SVEP1: variants seen among roughly 807,000 people sequenced by gnomAD.
SVEP1 encodes the protein sushi, von Willebrand factor type A, EGF and pentraxin domain-containing protein 1.
A neutral mutation model predicts 367.3 loss-of-function variants in SVEP1; 164 were observed. The ratio of observed to expected loss-of-function variants is 0.45; its 90% CI spans 0.39 to 0.51. SVEP1 has a LOEUF of 0.51. Ranked by LOEUF, SVEP1 falls within the 20% of genes least tolerant of loss-of-function variation. The pLI, the probability that SVEP1 is intolerant of heterozygous loss-of-function variation, is 0.00. For missense variants in SVEP1, 4,117 were observed against 4,425.3 expected (o/e 0.93, Z 1.98); for synonymous variants, 1,666 against 1,611.6 (o/e 1.03, Z -0.81).
intron 5 of SVEP1, among the ~76,000 whole-genome samples, chr9:110,504,015 TTATTTTTTTA>T (rs1829582040): frequency 1.8e-5 from 2 of 112,430 alleles, no homozygotes. Context: ...GGAAAGCTTT[TTATTTTTTTA>T]TTTTATTTTA....
At chr9:110,576,610 C>T (rs1468154891) in intron 1 of SVEP1, among the ~76,000 whole-genome samples, 1 of 151,824 alleles carries the variant, frequency 6.6e-6, no homozygotes, top group African/African-American at 2.4e-5. Flanking sequence ...AAAGAGACTT[C>T]AACAAGAATC....
Position 110,429,340 on chromosome 9 carries a change from G to C in SVEP1, c.5616-6C>G, listed in dbSNP as rs1438166089. 1 of 1,503,668 alleles carries C rather than the reference G, an allele frequency of 6.7e-7. No homozygotes were observed. Among genetic ancestry groups the C allele is most frequent in the Non-Finnish European group, 8.9e-7 (1 of 1,128,534 alleles). 93.1% of individuals were successfully genotyped at this position (1,503,668 alleles called of 1,614,324 possible). A position where few individuals can be genotyped will look rare whatever the true frequency, so the allele number is the denominator to read the frequency against. On this transcript the variant is annotated splice_polypyrimidine_tract_variant and splice_region_variant and intron_variant, in intron 34 of 47. Transcript: ENST00000374469. The stretch of plus-strand genomic sequence containing the variant: ...GAGTATATCCTTTATTACACCTAAA[G>C]AAGATAGAGGAAAATTACAGGATAT...
chr9:110,406,016 T>TAA, intron 38 of SVEP1, 144 bp downstream of exon 38: 1 of 1,009,008 alleles, frequency 9.9e-7, no homozygotes, highest in Non-Finnish European at 1.3e-6. Context: ...GTAGGTAGAA[T>TAA]AAAGCCAAGT....
At chr9:110,368,560 C>T (rs1030142530) in intron 47 of SVEP1, among the ~76,000 whole-genome samples, 3 of 152,200 alleles carry the variant, frequency 2.0e-5, no homozygotes, top group African/African-American at 7.2e-5. Flanking sequence ...CTCCTATCGA[C>T]AGTTTTTAAA....
intron 3 of SVEP1, among the ~76,000 whole-genome samples, chr9:110,545,663 A>G (rs778550452): frequency 6.6e-6 from 1 of 152,142 alleles, no homozygotes; most frequent in Non-Finnish European, 1.5e-5. Flanking sequence ...ACATGCCTAG[A>G]GGACAGATTT....
At chr9:110,492,729 G>C (rs973486740) in intron 8 of SVEP1, among the ~76,000 whole-genome samples, 5 of 152,034 alleles carry the variant, frequency 3.3e-5, no homozygotes, top group African/African-American at 1.2e-4. Flanking sequence ...CAAGTGGCAG[G>C]GCTTCAGACA....
intron 43 of SVEP1, among the ~76,000 whole-genome samples, chr9:110,383,412 C>T (rs1564124704): frequency 1.3e-5 from 2 of 152,198 alleles, no homozygotes; most frequent in Non-Finnish European, 2.9e-5. Context: ...CCAGCGGACG[C>T]TGCAGAACAG....
intron 21 of SVEP1, among the ~76,000 whole-genome samples, chr9:110,456,258 C>T (rs761189373): frequency 1.3e-5 from 2 of 152,188 alleles, no homozygotes; most frequent in Non-Finnish European, 2.9e-5. Flanking sequence ...ACTCCAGACC[C>T]ACTGAATTAG....
intron 40 of SVEP1, 27 bp from the exon 41 acceptor site, chr9:110,389,614 A>G (rs1368646775): frequency 6.2e-7 from 1 of 1,612,244 alleles, no homozygotes; most frequent in Non-Finnish European, 8.5e-7. Context: ...AAAGGTCATC[A>G]AGATCATAAC....
chr9:110,469,190 G>T, intron 16 of SVEP1, 89 bp from the exon 17 acceptor site: 1 of 1,360,248 alleles, frequency 7.4e-7, no homozygotes, highest in Non-Finnish European at 9.9e-7. Context: ...AAGTAATAAA[G>T]CATGCTTGAA....
chr9:110,459,626 G>C (rs1828827442), intron 18 of SVEP1, among the ~76,000 whole-genome samples: 1 of 152,042 alleles, frequency 6.6e-6, no homozygotes, highest in Admixed American at 6.6e-5. Flanking sequence ...AATTGGATTT[G>C]AGTAGTTGAA....
intron 3 of SVEP1, among the ~76,000 whole-genome samples, chr9:110,523,546 C>T (rs1380604890): frequency 6.6e-6 from 1 of 152,068 alleles, no homozygotes; most frequent in Non-Finnish European, 1.5e-5. Flanking sequence ...TCTAACTATA[C>T]CAATTAAGTG....
intron 8 of SVEP1, among the ~76,000 whole-genome samples, 181 bp downstream of exon 8, chr9:110,496,633 GT>G (rs1829450713): frequency 6.6e-6 from 1 of 152,140 alleles, no homozygotes; most frequent in Admixed American, 6.5e-5. Context: ...CCTTGTGATG[GT>G]GTGAGTCAAT....
At chr9:110,379,241 C>A in intron 44 of SVEP1, 106 bp downstream of exon 44, 1 of 1,268,872 alleles carries the variant, frequency 7.9e-7, no homozygotes. Context: ...ATTTTAAAGC[C>A]AAGGAAAAAT....
In SVEP1 at chr9:110,546,236, A is replaced by G. The variant is rs968963763; in HGVS notation, c.843T>C (p.Cys281=). ...QDDMVHCSYL[C]DEGKDCCDRM... ...GGTCACAGCAGTCCTTGCCTTCATC[A>G]CAAAGATATGAGCAGTGGACCATAT... is the stretch of plus-strand genomic sequence containing the variant. The change falls in exon 3 of 48, where the codon TGT becomes TGC. Residue 281 remains cysteine, a synonymous_variant. Coordinates refer to ENST00000374469, the MANE Select transcript of SVEP1 (RefSeq NM_153366.4). The G allele has an allele frequency of 1.3e-6, 2 of 1,591,266 alleles. No homozygotes were observed. The highest frequency in any genetic ancestry group is 2.7e-5 in the African/African-American group (2 of 74,670).
intron 3 of SVEP1, among the ~76,000 whole-genome samples, chr9:110,529,984 C>T (rs1002464332): frequency 2.0e-4 from 30 of 149,246 alleles, no homozygotes; most frequent in African/African-American, 6.7e-4. Context: ...AGTATGTTGG[C>T]TGTAGGTTTA....
At chr9:110,524,718 T>TATTATTATTAC (rs35477110) in intron 3 of SVEP1, among the ~76,000 whole-genome samples, 131 of 143,836 alleles carry the variant, frequency 9.1e-4, no homozygotes, top group African/African-American at 1.5e-3. Flanking sequence ...TTATTATTAC[T>TATTATTATTAC]TTTTTTTTTT....
At chr9:110,390,832 A>T (rs1254270664) in intron 40 of SVEP1, among the ~76,000 whole-genome samples, 1 of 152,096 alleles carries the variant, frequency 6.6e-6, no homozygotes, top group Non-Finnish European at 1.5e-5. Context: ...GAAAAATTCA[A>T]ACATATGAGA....
intron 9 of SVEP1, among the ~76,000 whole-genome samples, chr9:110,486,033 C>T (rs529939806): frequency 1.3e-5 from 2 of 152,236 alleles, no homozygotes; most frequent in South Asian, 2.1e-4. Context: ...ACTCTGTAGA[C>T]CAGTGATGCA....
Sources: allele counts gnomAD v4.1 joint callset (sites outside exome capture counted in the v4.1 genomes callset), GRCh38; gene constraint gnomAD v4.1.1; transcripts MANE v1.5; gene names NCBI Gene and HGNC (gene_info 2026-07-23, HGNC 2026-07-21).